PACRGL: variants seen among roughly 807,000 people sequenced by gnomAD.
PACRGL encodes the protein PACRG-like protein.
Under a neutral mutation model 34.5 loss-of-function variants are expected in PACRGL, and 38 were observed. That is an observed-to-expected ratio of 1.10 (90% CI 0.85 to 1.44). PACRGL has a LOEUF of 1.44. PACRGL is among the 40% of genes most tolerant of loss of function. PACRGL has a pLI of 0.00. For missense variants in PACRGL, 305 were observed against 281.4 expected, an observed-to-expected ratio of 1.08 and a Z score of -0.60; for synonymous variants, 128 against 100.1, an observed-to-expected ratio of 1.28 and a Z score of -1.66.
At chr4:20,708,595 A>G (rs1176455016) in intron 4 of PACRGL, among the ~76,000 whole-genome samples, 1 of 152,164 alleles carries the variant, frequency 6.6e-6, no homozygotes, top group Non-Finnish European at 1.5e-5. Context: ...AAGTTTCTTA[A>G]TTCTCTACTC....
chr4:20,733,908 G>A (rs184348162), downstream of PACRGL, among the ~76,000 whole-genome samples: 102 of 152,218 alleles, frequency 6.7e-4, 1 homozygote, highest in Non-Finnish European at 3.8e-4. Flanking sequence ...CTCCAGTAGC[G>A]CAAGTTCATG....
At chr4:20,698,994 G>A (rs1340959947), upstream of PACRGL, among the ~76,000 whole-genome samples, 2 of 152,178 alleles carry the variant, frequency 1.3e-5, no homozygotes, top group Non-Finnish European at 2.9e-5. Context: ...ATAAGGGGTG[G>A]TGAGTTTTAG....
rs916827009 is a variant in PACRGL at position 20,728,457 on chromosome 4, C to G, written c.*1116C>G. On this transcript the variant is annotated 3_prime_UTR_variant, in exon 9 of 9. Transcript: ENST00000503585. ...ATTTTGATGTAATAGAAGCAATTCC[C>G]TCTGGCTACAACAGCTGCCTGCCTG... The G allele has an allele frequency of 6.6e-6, 1 of 152,172 alleles. No homozygotes were observed. Among genetic ancestry groups the G allele is most frequent in the African/African-American group, 2.4e-5 (1 of 41,428 alleles). 9.4% of individuals were successfully genotyped at this position (152,172 alleles called of 1,614,324 possible).
At chr4:20,753,870 T>A (rs564918937), downstream of PACRGL, among the ~76,000 whole-genome samples, 2 of 151,858 alleles carry the variant, frequency 1.3e-5, no homozygotes, top group Non-Finnish European at 2.9e-5. Flanking sequence ...GCTTAAAAAA[T>A]GTTTATTGAC....
intron 7 of PACRGL, among the ~76,000 whole-genome samples, chr4:20,714,522 G>A (rs115207508): frequency 0.039 from 6,012 of 152,220 alleles, 180 homozygotes; most frequent in Middle Eastern, 0.065. Flanking sequence ...ATTATGATGT[G>A]TGAATTTGAT....
downstream of PACRGL, among the ~76,000 whole-genome samples, chr4:20,755,541 G>A (rs1157994392): frequency 6.6e-6 from 1 of 152,156 alleles, no homozygotes; most frequent in Non-Finnish European, 1.5e-5. Context: ...TAAACAAAGT[G>A]GAGAAATCCT....
intron 1 of PACRGL, chr4:20,701,921 T>G (rs1732359493): frequency 2.2e-6 from 1 of 455,604 alleles, no homozygotes; most frequent in African/African-American, 2.0e-5. Context: ...AAGCAATTGT[T>G]TTGGAAGGAA....
chr4:20,766,390 AC>A, the PACRGL span, among the ~76,000 whole-genome samples: 2 of 152,146 alleles, frequency 1.3e-5, no homozygotes, highest in Middle Eastern at 6.8e-3. Flanking sequence ...ACATGGTGAA[AC>A]CCTGTCTGTA....
downstream of PACRGL, among the ~76,000 whole-genome samples, chr4:20,756,172 TAAA>T (rs61417409): frequency 2.9e-5 from 4 of 139,262 alleles, no homozygotes; most frequent in African/African-American, 5.3e-5. Context: ...TGGAAAGTAG[TAAA>T]AAAAAAAAAA....
chr4:20,697,417 CAAT>C (rs1247065932), upstream of PACRGL, among the ~76,000 whole-genome samples: 1 of 151,760 alleles, frequency 6.6e-6, no homozygotes, highest in Non-Finnish European at 1.5e-5. Flanking sequence ...AGAACCAGCA[CAAT>C]GAGAAAAAAA....
intron 7 of PACRGL, among the ~76,000 whole-genome samples, chr4:20,721,437 T>C (rs185137357): frequency 2.6e-4 from 39 of 152,312 alleles, no homozygotes; most frequent in Non-Finnish European, 4.4e-4. Context: ...TGCTCTGTTT[T>C]TTCCCCATCT....
At chr4:20,701,755 C>T (rs554371155) in intron 1 of PACRGL, 1 of 429,746 alleles carries the variant, frequency 2.3e-6, no homozygotes, top group Non-Finnish European at 4.7e-6. Flanking sequence ...TCCCTCCCCC[C>T]AGTCTCTTTC....
chr4:20,749,189 C>CTGTAGATGCAA (rs113598837), intron 8 of PACRGL, among the ~76,000 whole-genome samples: 1 of 150,784 alleles, frequency 6.6e-6, no homozygotes, highest in Non-Finnish European at 1.5e-5. Context: ...CTCTACAGAT[C>CTGTAGATGCAA]ACTTAAAGTT....
the PACRGL span, among the ~76,000 whole-genome samples, chr4:20,760,459 G>T: frequency 6.6e-6 from 1 of 152,178 alleles, no homozygotes; most frequent in Non-Finnish European, 1.5e-5. Flanking sequence ...ATTCCAGTGA[G>T]TCAGTTACTC....
At chr4:20,698,201 G>A (rs1012001899), upstream of PACRGL, among the ~76,000 whole-genome samples, 5 of 152,052 alleles carry the variant, frequency 3.3e-5, no homozygotes, top group Non-Finnish European at 5.9e-5. Flanking sequence ...CAAATAACAG[G>A]ACAAAGGGAA....
intron 7 of PACRGL, among the ~76,000 whole-genome samples, chr4:20,714,692 C>CTGG (rs985615551): frequency 2.6e-5 from 4 of 151,960 alleles, no homozygotes; most frequent in Non-Finnish European, 4.4e-5. Context: ...TAGGGCAGGC[C>CTGG]TGGTGGAAAT....
At chr4:20,760,396 C>T in the PACRGL span, among the ~76,000 whole-genome samples, 2 of 152,166 alleles carry the variant, frequency 1.3e-5, no homozygotes, top group African/African-American at 4.8e-5. Flanking sequence ...GTATTTAAAA[C>T]ATCACTTAAC....
upstream of PACRGL, among the ~76,000 whole-genome samples, chr4:20,699,698 G>C (rs1731509031): frequency 6.6e-6 from 1 of 152,070 alleles, no homozygotes; most frequent in Admixed American, 6.6e-5. Context: ...ATGCTAAAGA[G>C]GAGTGCAGTG....
chr4:20,750,938 A>G (rs1753501734), intron 8 of PACRGL, among the ~76,000 whole-genome samples: 2 of 152,184 alleles, frequency 1.3e-5, no homozygotes, highest in African/African-American at 2.4e-5. Context: ...ATTGCTTTTT[A>G]TAGGCTGTCA....
Sources: gnomAD v4.1 joint callset for allele counts (sites outside exome capture counted in the v4.1 genomes callset) on GRCh38, gnomAD v4.1.1 for gene constraint, MANE v1.5 for transcripts, NCBI Gene and HGNC (gene_info 2026-07-23, HGNC 2026-07-21) for gene names.